GRIP1: variants seen among roughly 807,000 people sequenced by gnomAD.
GRIP1 encodes the protein glutamate receptor-interacting protein 1.
A neutral mutation model predicts 129.9 loss-of-function variants in GRIP1; 45 were observed. The observed-to-expected ratio is 0.35, with a 90% CI of 0.27 to 0.44. The LOEUF is 0.44. GRIP1 is among the 20% of genes least tolerant of loss of function. GRIP1 has a pLI of 1.00. For synonymous variants in GRIP1, 530 were observed against 520.8 expected, an observed-to-expected ratio of 1.02 and a Z score of -0.24; for missense variants, 1,196 against 1,396.8, an observed-to-expected ratio of 0.86 and a Z score of 2.29.
chr12:66,449,648 A>G (rs1410189432), intron 11 of GRIP1, among the ~76,000 whole-genome samples: 1 of 152,150 alleles, frequency 6.6e-6, no homozygotes, highest in Admixed American at 6.5e-5. Context: ...GCTGATGTAG[A>G]GTGTACCGTG....
intron 1 of GRIP1, among the ~76,000 whole-genome samples, chr12:67,059,627 T>C (rs2043497438): frequency 6.6e-6 from 1 of 152,236 alleles, no homozygotes; most frequent in African/African-American, 2.4e-5. Flanking sequence ...TTTTTTCCTT[T>C]TCAGTGGGAA....
At chr12:67,066,991 C>T (rs2043641830) in intron 1 of GRIP1, among the ~76,000 whole-genome samples, 1 of 148,876 alleles carries the variant, frequency 6.7e-6, no homozygotes, top group African/African-American at 2.5e-5. Flanking sequence ...TTTGTCCATT[C>T]CAAAAGAAGC....
intron 14 of GRIP1, among the ~76,000 whole-genome samples, chr12:66,424,201 C>A (rs1415410915): frequency 3.9e-5 from 6 of 152,170 alleles, no homozygotes; most frequent in Non-Finnish European, 5.9e-5. Context: ...TCCCGGATCA[C>A]AAGAATCCAT....
chr12:66,922,526 T>G (rs972194645), intron 1 of GRIP1, among the ~76,000 whole-genome samples: 37 of 152,248 alleles, frequency 2.4e-4, no homozygotes, highest in African/African-American at 8.4e-4. Flanking sequence ...CAAGTATTTA[T>G]GAAATATCCA....
intron 1 of GRIP1, among the ~76,000 whole-genome samples, chr12:67,067,334 G>A (rs762975668): frequency 6.6e-6 from 1 of 151,960 alleles, no homozygotes; most frequent in African/African-American, 2.4e-5. Context: ...AAAACTTGTC[G>A]GAAGCATGGT....
At chr12:66,743,305 G>A (rs527613494) in intron 1 of GRIP1, among the ~76,000 whole-genome samples, 39 of 152,130 alleles carry the variant, frequency 2.6e-4, no homozygotes, top group African/African-American at 8.2e-4. Flanking sequence ...ACCACTGGGC[G>A]AGTGGCAACC....
chr12:66,692,544 T>TA (rs1012769340), intron 1 of GRIP1, among the ~76,000 whole-genome samples: 9 of 151,210 alleles, frequency 6.0e-5, no homozygotes, highest in South Asian at 2.1e-4. Flanking sequence ...GGAGGAGATT[T>TA]AAAAAAAAAC....
At chr12:66,887,224 C>T (rs539136841) in intron 1 of GRIP1, among the ~76,000 whole-genome samples, 1 of 152,154 alleles carries the variant, frequency 6.6e-6, no homozygotes, top group African/African-American at 2.4e-5. Flanking sequence ...GTTAGCTTTT[C>T]AAAATATAGC....
At position 66,465,337 on chromosome 12, in the gene GRIP1, C is replaced by T. The variant is rs375224829; in HGVS notation, c.810G>A (p.Ser270=). 14 of 1,613,622 alleles carry T rather than the reference C, an allele frequency of 8.7e-6. No individual in the cohort carries two copies. The highest frequency in any genetic ancestry group is 2.2e-5 in the East Asian group (1 of 44,892). ...GASLGVALTT[S]MCCNKQVIVI... ...CAATGACTTGTTTGTTACAGCACAT[C>T]GAGGTAGTTAGGGCAACCCCAAGGC... Residue 270 remains serine, a synonymous_variant, in exon 8 of 25, where the codon TCG becomes TCA. Transcript: ENST00000359742.
At chr12:66,982,740 C>T (rs568776687) in intron 1 of GRIP1, among the ~76,000 whole-genome samples, 10 of 152,278 alleles carry the variant, frequency 6.6e-5, no homozygotes, top group South Asian at 2.1e-4. Flanking sequence ...ACTGATGCCC[C>T]GATTGTAGTC....
chr12:66,991,485 T>C (rs570180400), intron 1 of GRIP1, among the ~76,000 whole-genome samples: 1 of 152,254 alleles, frequency 6.6e-6, no homozygotes, highest in South Asian at 2.1e-4. Flanking sequence ...AATCAAGTAG[T>C]TATACATAAA....
intron 13 of GRIP1, among the ~76,000 whole-genome samples, chr12:66,436,544 T>A (rs1408273022): frequency 6.6e-6 from 1 of 152,214 alleles, no homozygotes; most frequent in African/African-American, 2.4e-5. Context: ...CTTTATAAAA[T>A]TATATGTATG....
intron 1 of GRIP1, among the ~76,000 whole-genome samples, chr12:66,797,553 G>GGGA (rs2038736236): frequency 6.6e-6 from 1 of 152,084 alleles, no homozygotes; most frequent in Admixed American, 6.6e-5. Context: ...ATTATATTTT[G>GGGA]GGAGGATGGG....
At chr12:66,516,535 T>C (rs1243285111) in intron 6 of GRIP1, among the ~76,000 whole-genome samples, 1 of 152,208 alleles carries the variant, frequency 6.6e-6, no homozygotes, top group Non-Finnish European at 1.5e-5. Flanking sequence ...TCTAAGTCTT[T>C]TGGCTCCAAT....
At chr12:66,726,253 C>G (rs2036250555) in intron 1 of GRIP1, among the ~76,000 whole-genome samples, 1 of 152,146 alleles carries the variant, frequency 6.6e-6, no homozygotes, top group African/African-American at 2.4e-5. Flanking sequence ...TGTAAGGCAG[C>G]AGGTCCAGCA....
At chr12:66,883,028 A>G (rs1224507069) in intron 1 of GRIP1, among the ~76,000 whole-genome samples, 1 of 151,910 alleles carries the variant, frequency 6.6e-6, no homozygotes, top group Non-Finnish European at 1.5e-5. Context: ...CACCCCTCAC[A>G]TTACATCCAT....
At chr12:66,840,236 T>C (rs1201991262) in intron 1 of GRIP1, among the ~76,000 whole-genome samples, 1 of 152,182 alleles carries the variant, frequency 6.6e-6, no homozygotes, top group South Asian at 2.1e-4. Context: ...TGATATTGAT[T>C]GCCAACTGAA....
intron 1 of GRIP1, among the ~76,000 whole-genome samples, chr12:66,778,156 T>C (rs950629494): frequency 1.3e-5 from 2 of 152,202 alleles, no homozygotes. Context: ...CTGTTTCTTT[T>C]GGCATTTTAA....
At chr12:66,851,463 C>T (rs1504308) in intron 1 of GRIP1, among the ~76,000 whole-genome samples, 23,626 of 152,004 alleles carry the variant, frequency 0.16, 2,004 homozygotes, top group East Asian at 0.37. Context: ...ATTTATATAG[C>T]CTTTTTATAC....
Sources: gnomAD v4.1 joint callset for allele counts (sites outside exome capture counted in the v4.1 genomes callset) on GRCh38, gnomAD v4.1.1 for gene constraint, MANE v1.5 for transcripts, NCBI Gene and HGNC (gene_info 2026-07-23, HGNC 2026-07-21) for gene names.